IMMP2L: variants seen among roughly 807,000 people sequenced by gnomAD.
IMMP2L encodes the protein inner mitochondrial membrane peptidase subunit 2, also known as mitochondrial inner membrane protease subunit 2.
A neutral mutation model predicts 19.3 loss-of-function variants in IMMP2L; 18 were observed. That is an observed-to-expected ratio of 0.93 (90% CI 0.64 to 1.38). The LOEUF (loss-of-function observed/expected upper bound fraction) is 1.38. IMMP2L is among the 40% of genes most tolerant of loss of function. The probability of loss-of-function intolerance (pLI) is 0.00; values close to 1 mark genes in which losing one functional copy is unlikely to be tolerated. For synonymous variants in IMMP2L, 76 were observed against 73.0 expected (o/e 1.04, Z -0.21); for missense variants, 233 against 218.2 (o/e 1.07, Z -0.43).
At chr7:111,059,158 A>AT in intron 3 of IMMP2L, among the ~76,000 whole-genome samples, 1 of 151,492 alleles carries the variant, frequency 6.6e-6, no homozygotes, top group Middle Eastern at 3.2e-3. Flanking sequence ...AATTTTTTAT[A>AT]TTTTCAGTAG....
chr7:110,998,907 T>C (rs1156570736), intron 3 of IMMP2L, among the ~76,000 whole-genome samples: 11 of 152,186 alleles, frequency 7.2e-5, no homozygotes, highest in Non-Finnish European at 1.3e-4. Context: ...GCAATCTTCA[T>C]TCCACCATAC....
chr7:111,187,086 A>G (rs1320942826), intron 3 of IMMP2L, among the ~76,000 whole-genome samples: 1 of 152,156 alleles, frequency 6.6e-6, no homozygotes, highest in Non-Finnish European at 1.5e-5. Context: ...GCAAACGTAT[A>G]AATAAAATCA....
chr7:111,405,535 A>G (rs1295332023), intron 3 of IMMP2L, among the ~76,000 whole-genome samples: 2 of 152,192 alleles, frequency 1.3e-5, no homozygotes, highest in African/African-American at 2.4e-5. Flanking sequence ...CAATATGTGT[A>G]AGATTATAAA....
rs116111426 is a variant in IMMP2L at position 110,682,594 on chromosome 7, G to A, written c.409-18873C>T. 3.2e-3 allele frequency among the ~76,000 whole-genome samples: 490 copies of A among 152,192 alleles called. 2 individuals are homozygous for A. The highest frequency in any genetic ancestry group is 0.011 in the African/African-American group (467 of 41,540). On this transcript the variant is annotated intron_variant, in intron 5 of 5. Coordinates refer to ENST00000405709, the MANE Select transcript of IMMP2L (RefSeq NM_032549.4). ...GGGGGATGATCATTGCTTCTCACCCGCCTGGAAAGATGGTAATGCCATGAA... is the reference window on the plus strand; with the variant it reads ...GGGGGATGATCATTGCTTCTCACCCACCTGGAAAGATGGTAATGCCATGAA...
chr7:111,294,644 T>C (rs191711748), intron 3 of IMMP2L, among the ~76,000 whole-genome samples: 3 of 151,938 alleles, frequency 2.0e-5, no homozygotes, highest in Non-Finnish European at 4.4e-5. Flanking sequence ...GATTTCCTAG[T>C]ATTTTCCAGT....
chr7:111,049,709 C>T (rs1324791002), intron 3 of IMMP2L, among the ~76,000 whole-genome samples: 1 of 152,138 alleles, frequency 6.6e-6, no homozygotes, highest in Non-Finnish European at 1.5e-5. Flanking sequence ...AACTATTTGT[C>T]AAATACTTCC....
intron 1 of IMMP2L, among the ~76,000 whole-genome samples, chr7:111,538,062 C>T (rs1181273250): frequency 6.6e-6 from 1 of 152,100 alleles, no homozygotes. Context: ...AGATTTCCTT[C>T]CTATGTGTTC....
rs192590673 is a variant in IMMP2L at position 110,834,413 on chromosome 7, T to C, written c.408+52180A>G. 3.5e-3 allele frequency among the ~76,000 whole-genome samples: 534 copies of C among 152,158 alleles called. 4 individuals are homozygous for C. Among genetic ancestry groups the C allele is most frequent in the African/African-American group, 0.012 (507 of 41,522 alleles). ...TTTATATATATATATAGTGTATATG[T>C]AACATATACACATTAGCTCAACTCA... On this transcript the variant is annotated intron_variant, in intron 5 of 5. Coordinates refer to ENST00000405709, the MANE Select transcript of IMMP2L (RefSeq NM_032549.4).
chr7:111,073,489 T>C (rs901305832), intron 3 of IMMP2L, among the ~76,000 whole-genome samples: 13 of 152,306 alleles, frequency 8.5e-5, no homozygotes, highest in African/African-American at 3.1e-4. Flanking sequence ...CAAGCCTGCA[T>C]GCTTGTACAG....
At chr7:110,881,111 A>T (rs1462793080) in intron 5 of IMMP2L, among the ~76,000 whole-genome samples, 2 of 152,038 alleles carry the variant, frequency 1.3e-5, no homozygotes, top group Non-Finnish European at 2.9e-5. Flanking sequence ...TCCAACAAAC[A>T]ATGAAGCTAA....
At chr7:111,484,171 G>A (rs1247206426) in intron 3 of IMMP2L, among the ~76,000 whole-genome samples, 1 of 152,062 alleles carries the variant, frequency 6.6e-6, no homozygotes, top group Non-Finnish European at 1.5e-5. Context: ...TATGTTTTAA[G>A]TAAAACACTA....
chr7:111,537,122 C>T (rs1302641958), intron 1 of IMMP2L, among the ~76,000 whole-genome samples: 3 of 151,978 alleles, frequency 2.0e-5, no homozygotes, highest in Non-Finnish European at 2.9e-5. Context: ...AGAGTAAAGA[C>T]GTTTCTGTAT....
intron 3 of IMMP2L, among the ~76,000 whole-genome samples, chr7:111,182,707 G>C (rs1807843082): frequency 6.6e-6 from 1 of 151,832 alleles, no homozygotes. Context: ...TGAAATCTAA[G>C]GGAGTCATGA....
At chr7:111,494,984 T>C (rs991691518) in intron 2 of IMMP2L, among the ~76,000 whole-genome samples, 1 of 152,150 alleles carries the variant, frequency 6.6e-6, no homozygotes. Flanking sequence ...CAAGTAAAGT[T>C]AGGATGCTTT....
intron 3 of IMMP2L, among the ~76,000 whole-genome samples, chr7:111,436,380 C>T (rs1837165545): frequency 6.6e-6 from 1 of 151,672 alleles, no homozygotes; most frequent in East Asian, 1.9e-4. Context: ...AAAAGGTATA[C>T]TTTTAACCAA....
At position 111,498,960 on chromosome 7, in the gene IMMP2L, A is replaced by G. The variant is rs74589679; in HGVS notation, c.136-11619T>C. Among the ~76,000 whole-genome samples the G allele has an allele frequency of 2.0e-4, 30 of 152,236 alleles. No individual in the cohort carries two copies. In the East Asian group the frequency reaches 5.2e-3, roughly 26 times the overall value. On this transcript the variant is annotated intron_variant, in intron 2 of 5. Coordinates refer to ENST00000405709, the MANE Select transcript of IMMP2L (RefSeq NM_032549.4). ...AGCATTCTGGCAGATAAAAAGGGGG[A>G]AAAAAGGATATATACCTTATATCAT... is the stretch of plus-strand genomic sequence containing the variant.
At chr7:111,538,988 C>T (rs1386210353) in intron 1 of IMMP2L, among the ~76,000 whole-genome samples, 5 of 151,110 alleles carry the variant, frequency 3.3e-5, no homozygotes, top group East Asian at 2.0e-4. Context: ...GGTGTGGTGG[C>T]GCATGCCTGT....
intron 3 of IMMP2L, among the ~76,000 whole-genome samples, chr7:111,011,516 T>C (rs1169401213): frequency 1.3e-5 from 2 of 152,134 alleles, no homozygotes; most frequent in Non-Finnish European, 1.5e-5. Context: ...TACTCTGAAA[T>C]GAAGTCTAAG....
chr7:111,088,361 C>G (rs1586180887), intron 3 of IMMP2L, among the ~76,000 whole-genome samples: 1 of 151,874 alleles, frequency 6.6e-6, no homozygotes, highest in Non-Finnish European at 1.5e-5. Context: ...ACATTTCCTA[C>G]AATGTAGGTA....
Sources: gnomAD v4.1 joint callset for allele counts (sites outside exome capture counted in the v4.1 genomes callset) on GRCh38, gnomAD v4.1.1 for gene constraint, MANE v1.5 for transcripts, NCBI Gene and HGNC (gene_info 2026-07-23, HGNC 2026-07-21) for gene names.